Variants in SPEF2 observed in about 807,000 individuals in gnomAD.
SPEF2 encodes sperm flagella and cilia-associated protein 2.
A neutral mutation model predicts 224.6 loss-of-function variants in SPEF2; 187 were observed. The ratio of observed to expected loss-of-function variants is 0.83; its 90% confidence interval spans 0.74 to 0.94. The LOEUF is 0.94. SPEF2 is among the 40% of genes least tolerant of loss of function. The pLI, the probability that SPEF2 is intolerant of heterozygous loss-of-function variation, is 0.00. For synonymous variants in SPEF2, 715 were observed against 707.3 expected (o/e 1.01, Z -0.17); for missense variants, 2,170 against 2,135.6 (o/e 1.02, Z -0.32).
chr5:35,763,436 G>A (rs1751622697), intron 25 of SPEF2, 86 bp from the exon 26 acceptor site: 1 of 1,269,860 alleles, frequency 7.9e-7, no homozygotes, highest in Non-Finnish European at 1.1e-6. Context: ...AACCAAGACA[G>A]TAAAATTTAC....
intron 10 of SPEF2, among the ~76,000 whole-genome samples, chr5:35,690,333 G>A (rs1381982032): frequency 2.6e-5 from 4 of 151,954 alleles, no homozygotes; most frequent in Non-Finnish European, 1.5e-5. Context: ...TAGGCTAAGG[G>A]GCATTTTCCT....
chr5:35,753,310 C>A (rs1749958108), intron 23 of SPEF2, among the ~76,000 whole-genome samples: 1 of 152,090 alleles, frequency 6.6e-6, no homozygotes, highest in African/African-American at 2.4e-5. Context: ...AGGGCTTTTT[C>A]AACCAAACAC....
chr5:35,748,869 G>A (rs1292581363), intron 23 of SPEF2, among the ~76,000 whole-genome samples: 1 of 151,842 alleles, frequency 6.6e-6, no homozygotes, highest in Non-Finnish European at 1.5e-5. Context: ...AACCAGCAAA[G>A]GACATAACCA....
chr5:35,780,628 A>C (rs1480752211), intron 30 of SPEF2, among the ~76,000 whole-genome samples: 1 of 152,202 alleles, frequency 6.6e-6, no homozygotes. Flanking sequence ...TGCGAGCTCC[A>C]CAATGCCCTG....
intron 9 of SPEF2, 26 bp from the exon 10 acceptor site, chr5:35,670,033 A>G: frequency 6.4e-7 from 1 of 1,559,414 alleles, no homozygotes; most frequent in Non-Finnish European, 8.7e-7. Flanking sequence ...CCATTGATTC[A>G]TCTCTACCTT....
intron 23 of SPEF2, among the ~76,000 whole-genome samples, chr5:35,744,807 G>T (rs1023525379): frequency 6.6e-6 from 1 of 152,110 alleles, no homozygotes; most frequent in Non-Finnish European, 1.5e-5. Flanking sequence ...CAGGAGGCAG[G>T]ACTAGATTGC....
intron 20 of SPEF2, among the ~76,000 whole-genome samples, chr5:35,722,564 A>G (rs1743898328): frequency 9.8e-6 from 1 of 101,966 alleles, no homozygotes; most frequent in Non-Finnish European, 2.2e-5. Context: ...TACATGTGCC[A>G]TGCTGGTGCG....
At chr5:35,796,207 T>G (rs1334135547) in intron 33 of SPEF2, among the ~76,000 whole-genome samples, 3 of 152,252 alleles carry the variant, frequency 2.0e-5, no homozygotes, top group African/African-American at 7.2e-5. Context: ...CCTACAGCAT[T>G]GCCCATAGCC....
In SPEF2 at chr5:35,753,684, C is replaced by T. The variant is rs764775372; in HGVS notation, c.3391C>T (p.Arg1131Trp). ...CCGGAAGGAAGAGGCGGAGCAGGAG[C>T]GGCTTGACATCATTAATGAGAGCTG... ...DARKEEAEQE[R>W]LDIINESWLQ... The change falls in exon 24 of 37, where the codon CGG becomes TGG. Residue 1131 changes from arginine to tryptophan, a missense_variant. Coordinates refer to ENST00000356031, the MANE Select transcript of SPEF2 (RefSeq NM_024867.4). The T allele has an allele frequency of 1.1e-5, 17 of 1,613,978 alleles. No individual in the cohort carries two copies. Among genetic ancestry groups the T allele is most frequent in the East Asian group, 4.5e-5 (2 of 44,900 alleles).
rs758439671 is a variant in SPEF2, at chr5:35,694,288, G to A, written c.1900G>A (p.Asp634Asn). 26 of 1,612,948 alleles carry A rather than the reference G, an allele frequency of 1.6e-5. No individual in the cohort carries two copies. In the South Asian group the frequency reaches 2.9e-4, roughly 18 times the overall value. Residue 634 changes from aspartate to asparagine, a missense_variant and splice_region_variant, in exon 13 of 37, where the codon GAT (aspartate) becomes AAT (asparagine). By Grantham distance (23) the Asp-to-Asn change is conservative. Transcript: ENST00000356031. ...VLQEEIKESQ[D>N]PQHVFSAGPV... is the part of the protein sequence containing the mutation. ...CCCTATGTGTGTTTTCTCTCCAAAG[G>A]ATCCACAACATGTATTTTCAGCTGG...
At position 35,659,093 on chromosome 5, in the gene SPEF2, G is replaced by A. The variant is rs200581294; in HGVS notation, c.1053G>A (p.Gln351=). The A allele has an allele frequency of 7.4e-6, 12 of 1,613,324 alleles. No homozygotes were observed. The highest frequency in any genetic ancestry group is 3.3e-5 in the Admixed American group (2 of 59,930). The change falls in exon 8 of 37, where the codon CAG becomes CAA. Residue 351 remains glutamine, a synonymous_variant. Transcript: ENST00000356031. The part of the protein sequence containing the change: ...QSQQERRIAV[Q]LMHVRHEKEV... Reference sequence around the variant, plus strand: ...AGCAGGAGCGCAGGATTGCCGTGCAGCTCATGCATGTTCGGCATGAAAAGG... The same window carrying A: ...AGCAGGAGCGCAGGATTGCCGTGCAACTCATGCATGTTCGGCATGAAAAGG...
At chr5:35,751,056 C>CATATATATAT (rs755903542) in intron 23 of SPEF2, among the ~76,000 whole-genome samples, 1 of 28,600 alleles carries the variant, frequency 3.5e-5, no homozygotes, top group African/African-American at 9.1e-5. Context: ...TATATATATA[C>CATATATATAT]GTATATATAT....
chr5:35,759,346 A>C (rs1293260108), intron 24 of SPEF2, among the ~76,000 whole-genome samples: 1 of 152,222 alleles, frequency 6.6e-6, no homozygotes, highest in Non-Finnish European at 1.5e-5. Flanking sequence ...TTTGTTAAAT[A>C]GAATCATGTT....
chr5:35,779,384 A>G, intron 30 of SPEF2, 38 bp downstream of exon 30: 1 of 1,506,362 alleles, frequency 6.6e-7, no homozygotes, highest in Non-Finnish European at 9.1e-7. Context: ...GCACAAAAAA[A>G]GGTTAAGATT....
intron 30 of SPEF2, chr5:35,789,758 G>A (rs1207240892): frequency 5.7e-6 from 4 of 699,292 alleles, no homozygotes; most frequent in Non-Finnish European, 1.0e-5. Flanking sequence ...GTCTGTGTGA[G>A]TTTCTTTTAT....
Position 35,772,472 on chromosome 5 carries a change from G to A in SPEF2, c.3949+716G>A, listed in dbSNP as rs537640357. On this transcript the variant is annotated intron_variant, in intron 27 of 36. Transcript: ENST00000356031. Reference sequence around the variant, plus strand: ...TCCAGCTATAGTCTTGCAGTAGAGAGAGACATGTGACCATTGTGCTTTGAT... The same window carrying A: ...TCCAGCTATAGTCTTGCAGTAGAGAAAGACATGTGACCATTGTGCTTTGAT... Among the ~76,000 whole-genome samples the A allele has an allele frequency of 6.6e-5, 10 of 152,276 alleles. No individual in the cohort carries two copies. In the South Asian group the frequency reaches 2.1e-3, roughly 32 times the overall value.
rs890349488 is a variant in SPEF2, at chr5:35,759,800, A to G, written c.3620+81A>G. 1.1e-5 allele frequency: 15 copies of G among 1,306,288 alleles called. No individual in the cohort carries two copies. In the African/African-American group the frequency reaches 2.2e-4, roughly 19 times the overall value. The allele number at this position is 1,306,288 out of a possible 1,614,324, so 80.9% of individuals were successfully genotyped here. A position where few individuals can be genotyped will look rare whatever the true frequency, so the allele number is the denominator to read the frequency against. ...TTAAAATTAATTACCACTAATAAAA[A>G]TCACACTCCTTTATCTGCAAATCTA... On this transcript the variant is annotated intron_variant, in intron 25 of 36. Transcript: ENST00000356031.
intron 18 of SPEF2, among the ~76,000 whole-genome samples, chr5:35,707,914 C>T (rs1156982314): frequency 6.6e-6 from 1 of 152,134 alleles, no homozygotes; most frequent in Non-Finnish European, 1.5e-5. Context: ...CTTTGATCTC[C>T]CTTACTCTGT....
intron 26 of SPEF2, among the ~76,000 whole-genome samples, chr5:35,765,692 A>G (rs891814351): frequency 2.6e-5 from 4 of 152,184 alleles, no homozygotes; most frequent in African/African-American, 9.6e-5. Context: ...GTCATCTGCC[A>G]AGAACATTTT....
Sources: allele counts gnomAD v4.1 joint callset (sites outside exome capture counted in the v4.1 genomes callset), GRCh38; gene constraint gnomAD v4.1.1; transcripts MANE v1.5; gene names NCBI Gene and HGNC (gene_info 2026-07-23, HGNC 2026-07-21).